The following DIAPH2 variants were observed in gnomAD, a reference collection of about 807,000 sequenced individuals.
DIAPH2 encodes protein diaphanous homolog 2.
In DIAPH2, 35 loss-of-function variants were observed where a neutral mutation model predicts 92.7. The ratio of observed to expected loss-of-function variants is 0.38; its 90% CI spans 0.29 to 0.50. The LOEUF is 0.50. DIAPH2 is among the 20% of genes least tolerant of loss of function. DIAPH2 has a pLI of 0.94. For missense variants in DIAPH2, 701 were observed against 819.5 expected (o/e 0.86, Z 1.77); for synonymous variants, 301 against 280.4 (o/e 1.07, Z -0.73).
At chrX:97,256,262 G>A (rs1479914367) in intron 23 of DIAPH2, among the ~76,000 whole-genome samples, 2 of 112,408 alleles carry the variant, frequency 1.8e-5, no homozygotes, top group Non-Finnish European at 3.8e-5. Context: ...GGAACATGTA[G>A]CATGTGCACA....
At chrX:97,326,595 C>T (rs2068953111) in intron 23 of DIAPH2, among the ~76,000 whole-genome samples, 2 of 112,030 alleles carry the variant, frequency 1.8e-5, no homozygotes, top group African/African-American at 6.5e-5. Flanking sequence ...AGTTCTGCAC[C>T]AAACCTAGTT....
At chrX:97,452,674 T>G (rs2070369100) in intron 26 of DIAPH2, among the ~76,000 whole-genome samples, 1 of 112,290 alleles carries the variant, frequency 8.9e-6, no homozygotes, top group Non-Finnish European at 1.9e-5. Flanking sequence ...TCCAGAATTA[T>G]CTGACTAAAA....
chrX:97,486,559 A>G (rs1345772032), intron 26 of DIAPH2, among the ~76,000 whole-genome samples: 1 of 111,704 alleles, frequency 9.0e-6, no homozygotes, highest in East Asian at 2.8e-4. Flanking sequence ...ACCTGTGGCC[A>G]TTCTAAGCAT....
Position 96,788,614 on chromosome X carries a change from C to A in DIAPH2, c.447+30356C>A, listed in dbSNP as rs146293217. 4.8e-3 allele frequency among the ~76,000 whole-genome samples: 536 copies of A among 111,670 alleles called. 5 individuals are homozygous for A. Among genetic ancestry groups the A allele is most frequent in the African/African-American group, 0.017 (521 of 30,768 alleles). On this transcript the variant is annotated intron_variant, in intron 4 of 26. Transcript: ENST00000324765. Reference sequence around the variant, plus strand: ...AGTAAAATTATAAGTCAGAGAAAATCGAAATGTCCATGTGGAATAGTTAAC... The same window carrying A: ...AGTAAAATTATAAGTCAGAGAAAATAGAAATGTCCATGTGGAATAGTTAAC...
At chrX:96,879,200 A>G (rs1260598552) in intron 4 of DIAPH2, among the ~76,000 whole-genome samples, 1 of 111,114 alleles carries the variant, frequency 9.0e-6, no homozygotes, top group Non-Finnish European at 1.9e-5. Flanking sequence ...GATATTTAAA[A>G]TGGTGTTGCG....
At chrX:96,776,232 A>ACT (rs1389052451) in intron 4 of DIAPH2, among the ~76,000 whole-genome samples, 2 of 110,759 alleles carry the variant, frequency 1.8e-5, no homozygotes, top group Non-Finnish European at 3.8e-5. Flanking sequence ...TGTTTTTGAG[A>ACT]CAGAGTCTCA....
At chrX:97,337,736 C>CT (rs2069077076) in intron 23 of DIAPH2, among the ~76,000 whole-genome samples, 1 of 110,967 alleles carries the variant, frequency 9.0e-6, no homozygotes, top group Non-Finnish European at 1.9e-5. Context: ...GGAAGGTTTG[C>CT]AGGGAGGCTG....
intron 1 of DIAPH2, among the ~76,000 whole-genome samples, chrX:96,699,109 A>G (rs772819217): frequency 3.0e-4 from 33 of 111,860 alleles, no homozygotes; most frequent in Non-Finnish European, 5.1e-4. Flanking sequence ...ATGAAACTAG[A>G]AAGTGAAGGA....
chrX:97,384,005 C>A lies in DIAPH2; in HGVS notation c.3106C>A (p.Arg1036Ser), dbSNP rs777883968. The change falls in exon 25 of 27, where the codon CGC becomes AGC. Residue 1036 changes from arginine (R) to serine (S), a missense_variant. Around this residue, in one of 3 missense-constraint regions of DIAPH2, gnomAD observed 536 missense variants for 599.3 expected, o/e 0.89. Coordinates refer to ENST00000324765, the MANE Select transcript of DIAPH2 (RefSeq NM_006729.5). ...KEKAEQEKLE[R>S]QKKKKQLIDI... Reference sequence around the variant, plus strand: ...GAAAGCTGAACAAGAAAAGTTAGAACGCCAGAAGAAAAAGAAACAACTCAT... The same window carrying A: ...GAAAGCTGAACAAGAAAAGTTAGAAAGCCAGAAGAAAAAGAAACAACTCAT... 1.2e-5 allele frequency: 14 copies of A among 1,199,268 alleles called. No individual in the cohort carries two copies. Among genetic ancestry groups the A allele is most frequent in the Non-Finnish European group, 1.6e-5 (14 of 889,999 alleles).
intron 19 of DIAPH2, among the ~76,000 whole-genome samples, chrX:97,092,281 C>G (rs1212016587): frequency 2.7e-5 from 3 of 112,657 alleles, no homozygotes; most frequent in Non-Finnish European, 5.6e-5. Flanking sequence ...TTTAGGTGTT[C>G]TGTAAATTGA....
intron 4 of DIAPH2, among the ~76,000 whole-genome samples, chrX:96,859,250 C>T (rs1023900763): frequency 5.4e-5 from 6 of 110,450 alleles, no homozygotes; most frequent in Admixed American, 9.8e-5. Flanking sequence ...CATAAATCTA[C>T]AGCACTTTGA....
chrX:97,192,280 T>A (rs1312766533), intron 22 of DIAPH2, among the ~76,000 whole-genome samples: 1 of 78,790 alleles, frequency 1.3e-5, no homozygotes, highest in Admixed American at 1.9e-4. Flanking sequence ...GGCAAGAGAG[T>A]GAGACTCCGT....
At chrX:97,434,684 A>G (rs182430934) in intron 26 of DIAPH2, among the ~76,000 whole-genome samples, 1 of 111,287 alleles carries the variant, frequency 9.0e-6, no homozygotes, top group Admixed American at 9.6e-5. Context: ...TGCTGGGACT[A>G]CAGGTGTGAG....
At chrX:96,902,240 C>T (rs1047496726) in intron 5 of DIAPH2, among the ~76,000 whole-genome samples, 1 of 111,686 alleles carries the variant, frequency 9.0e-6, no homozygotes, top group Non-Finnish European at 1.9e-5. Context: ...TGTGCTGATG[C>T]GAAGAATGTA....
Position 96,812,312 on chromosome X carries a change from G to A in DIAPH2, c.447+54054G>A, listed in dbSNP as rs2064690270. Reference sequence around the variant, plus strand: ...GATTTTCTAGTTTATTTGCATAGAGGTGTTTATAGTATTCTCTGATTATAG... The same window carrying A: ...GATTTTCTAGTTTATTTGCATAGAGATGTTTATAGTATTCTCTGATTATAG... On this transcript the variant is annotated intron_variant, in intron 4 of 26. Transcript: ENST00000324765. 2.7e-5 allele frequency among the ~76,000 whole-genome samples: 3 copies of A among 112,107 alleles called. No homozygotes were observed. In the Admixed American group the frequency reaches 2.8e-4, roughly 11 times the overall value.
rs901322730 is a variant in DIAPH2 at position 97,600,189 on chromosome X, A to T, written c.*872A>T. On this transcript the variant is annotated 3_prime_UTR_variant, in exon 27 of 27. Coordinates refer to ENST00000324765, the MANE Select transcript of DIAPH2 (RefSeq NM_006729.5). ...ACGTTTATTTAGATTTCAAAGGCAA[A>T]TATTGATTCCTATGCTCTGTGGTTT... is the stretch of plus-strand genomic sequence containing the variant. 3 of 112,360 alleles carry T rather than the reference A, an allele frequency of 2.7e-5. No individual in the cohort carries two copies. The highest frequency in any genetic ancestry group is 9.7e-5 in the African/African-American group (3 of 30,909). The allele number at this position is 112,360 out of a possible 1,213,427, so 9.3% of individuals were successfully genotyped here.
At chrX:96,760,966 C>T (rs1461597597) in intron 4 of DIAPH2, among the ~76,000 whole-genome samples, 3 of 110,922 alleles carry the variant, frequency 2.7e-5, no homozygotes, top group East Asian at 2.8e-4. Flanking sequence ...ATGGATCTGA[C>T]GTAGGGTAAT....
At chrX:97,467,751 A>G (rs139187926) in intron 26 of DIAPH2, among the ~76,000 whole-genome samples, 18 of 112,436 alleles carry the variant, frequency 1.6e-4, no homozygotes, top group African/African-American at 5.5e-4. Context: ...ACACCTTTGC[A>G]AAATCCTAGC....
At chrX:97,352,870 C>CAAAAAAAAA (rs1176922373) in intron 24 of DIAPH2, among the ~76,000 whole-genome samples, 1 of 27,094 alleles carries the variant, frequency 3.7e-5, no homozygotes, top group Non-Finnish European at 7.0e-5. Context: ...AATCTGTCTC[C>CAAAAAAAAA]AAAAAAAAAA....
Sources: gnomAD v4.1 joint callset for allele counts (sites outside exome capture counted in the v4.1 genomes callset) on GRCh38, gnomAD v4.1.1 for gene constraint, gnomAD v4.1.1 regional missense constraint, MANE v1.5 for transcripts, NCBI Gene and HGNC (gene_info 2026-07-23, HGNC 2026-07-21) for gene names.